The following FLRT1 variants were observed in gnomAD, a reference collection of about 807,000 sequenced individuals.
The protein encoded by FLRT1 is leucine-rich repeat transmembrane protein FLRT1.
FLRT1 carries 14 observed loss-of-function variants against 30.9 expected under a neutral mutation model. That is an observed-to-expected ratio of 0.45 (90% confidence interval 0.30 to 0.71). FLRT1 has a LOEUF of 0.71. FLRT1 is among the 30% of genes least tolerant of loss of function. FLRT1 has a pLI of 0.08. For synonymous variants in FLRT1, 368 were observed against 430.4 expected (o/e 0.85, Z 1.80); for missense variants, 737 against 949.2 (o/e 0.78, Z 2.94).
chr11:64,110,220 T>G (rs1944836418), intron 2 of FLRT1, among the ~76,000 whole-genome samples: 1 of 151,958 alleles, frequency 6.6e-6, no homozygotes, highest in Admixed American at 6.6e-5. Flanking sequence ...GATGCTGAAG[T>G]GGGCAGATTG....
chr11:64,049,227 GTGTT>G (rs1206752164), intron 1 of FLRT1, among the ~76,000 whole-genome samples: 1 of 152,300 alleles, frequency 6.6e-6, no homozygotes, highest in South Asian at 2.1e-4. Context: ...AGAGACCACT[GTGTT>G]TGTTAACACC....
chr11:64,076,451 C>T lies in FLRT1; in HGVS notation c.-1037-26743C>T, dbSNP rs2845884. 1.6e-4 allele frequency among the ~76,000 whole-genome samples: 24 copies of T among 151,914 alleles called. No homozygotes were observed. In the East Asian group the frequency reaches 2.5e-3, roughly 16 times the overall value. On this transcript the variant is annotated intron_variant, in intron 1 of 2. Coordinates refer to ENST00000682287, the MANE Select transcript of FLRT1 (RefSeq NM_013280.5). ...CAACTGTACTGGATGGATGGATGGACGGATGGATGGACGGACGGACGAATG... is the reference window on the plus strand; with the variant it reads ...CAACTGTACTGGATGGATGGATGGATGGATGGATGGACGGACGGACGAATG...
chr11:64,111,241 C>G (rs1944857375), intron 2 of FLRT1, among the ~76,000 whole-genome samples: 3 of 152,228 alleles, frequency 2.0e-5, no homozygotes, highest in Admixed American at 2.0e-4. Flanking sequence ...CTGCTCAGAA[C>G]AGCTGAGTAC....
chr11:64,065,265 G>A (rs1252390391), intron 1 of FLRT1, among the ~76,000 whole-genome samples: 1 of 152,198 alleles, frequency 6.6e-6, no homozygotes, highest in Non-Finnish European at 1.5e-5. Context: ...GTGAGGCGGT[G>A]GGTGGGCAGG....
rs959327354 is a variant in FLRT1 at position 64,067,800 on chromosome 11, G to A, written c.-1038+31641G>A. Among the ~76,000 whole-genome samples the A allele has an allele frequency of 2.0e-5, 3 of 152,138 alleles. No individual in the cohort carries two copies. Among genetic ancestry groups the A allele is most frequent in the Admixed American group, 6.5e-5 (1 of 15,274 alleles). On this transcript the variant is annotated intron_variant, in intron 1 of 2. Coordinates refer to ENST00000682287, the MANE Select transcript of FLRT1 (RefSeq NM_013280.5). This position sits in a 1 kb window ranked among gnomAD's most constrained non-coding sequence, Gnocchi z 4.6. ...TGTTTGTTTTCCCTGACTGAGGGGC[G>A]GCTGTGCCACCCCCACACTCCTGAA...
intron 1 of FLRT1, among the ~76,000 whole-genome samples, chr11:64,057,245 G>A (rs933837702): frequency 1.3e-5 from 2 of 152,248 alleles, no homozygotes; most frequent in African/African-American, 2.4e-5. Flanking sequence ...GAACGTAGGG[G>A]ACGGGACAGC....
rs1349199822 is a variant in FLRT1, at chr11:64,096,352, C to T, written c.-1037-6842C>T. 2.0e-5 allele frequency among the ~76,000 whole-genome samples: 3 copies of T among 152,074 alleles called. No homozygotes were observed. Among genetic ancestry groups the T allele is most frequent in the Non-Finnish European group, 4.4e-5 (3 of 68,000 alleles). On this transcript the variant is annotated intron_variant, in intron 1 of 2. Transcript: ENST00000682287. This position sits in a 1 kb window ranked among gnomAD's most constrained non-coding sequence, Gnocchi z 4.6. ...GGCTGGACACGGTCCCTAATGGGCACGGGCGACGCATTACAGTGAGGTCTG... is the reference window on the plus strand; with the variant it reads ...GGCTGGACACGGTCCCTAATGGGCATGGGCGACGCATTACAGTGAGGTCTG...
chr11:64,118,131 C>T lies in FLRT1; in HGVS notation c.1864C>T (p.Leu622=). ...AATCCGCGGCCCTGGGCTGCAGATGCTGCCCATCAACCCGTACCGCGCCAA... is the reference window on the plus strand; with the variant it reads ...AATCCGCGGCCCTGGGCTGCAGATGTTGCCCATCAACCCGTACCGCGCCAA... ...LEIRGPGLQM[L]PINPYRAKEE... Residue 622 remains leucine, a synonymous_variant, in exon 3 of 3, where the codon CTG becomes TTG. Coordinates refer to ENST00000682287, the MANE Select transcript of FLRT1 (RefSeq NM_013280.5). 1 of 1,613,446 alleles carries T rather than the reference C, an allele frequency of 6.2e-7. No individual in the cohort carries two copies. The highest frequency in any genetic ancestry group is 8.5e-7 in the Non-Finnish European group (1 of 1,179,646).
At chr11:64,047,729 T>C (rs1446785495) in intron 1 of FLRT1, among the ~76,000 whole-genome samples, 2 of 151,750 alleles carry the variant, frequency 1.3e-5, no homozygotes, top group Non-Finnish European at 2.9e-5. Context: ...AAACCCCTTC[T>C]CTACCAAAAA....
chr11:64,091,701 C>T (rs1049257650), intron 1 of FLRT1, among the ~76,000 whole-genome samples: 3 of 152,164 alleles, frequency 2.0e-5, no homozygotes, highest in Non-Finnish European at 2.9e-5. Flanking sequence ...TGAAGTTGCA[C>T]GAGGGGCCCC....
At chr11:64,083,456 TAAAA>T (rs1262155713) in intron 1 of FLRT1, among the ~76,000 whole-genome samples, 1 of 152,082 alleles carries the variant, frequency 6.6e-6, no homozygotes, top group African/African-American at 2.4e-5. Context: ...CCCCCAAAAA[TAAAA>T]GAAGCAAATG....
rs138676741 is a variant in FLRT1 at position 64,117,451 on chromosome 11, C to T, written c.1184C>T (p.Thr395Met). The stretch of plus-strand genomic sequence containing the variant: ...GTGGCCAATGCGGCTGCCAAGACCA[C>T]GGCCAGCAACCACGCCTCTGCCACC... ...GGVANAAAKT[T>M]ASNHASATTP... is the part of the protein sequence containing the mutation. The change falls in exon 3 of 3, where the codon ACG (threonine) becomes ATG (methionine). Residue 395 changes from threonine to methionine, a missense_variant. Thr to Met is a moderately conservative substitution (Grantham distance 81). Coordinates refer to ENST00000682287, the MANE Select transcript of FLRT1 (RefSeq NM_013280.5). The T allele has an allele frequency of 2.2e-3, 3,550 of 1,613,004 alleles. 4 individuals carry two copies. The highest frequency in any genetic ancestry group is 2.6e-3 in the Non-Finnish European group (3,076 of 1,179,226).
chr11:64,111,543 G>C (rs1207569936), intron 2 of FLRT1, among the ~76,000 whole-genome samples: 4 of 152,234 alleles, frequency 2.6e-5, no homozygotes, highest in Non-Finnish European at 5.9e-5. Context: ...AATCTGGGCT[G>C]GCTGTGACCT....
At chr11:64,076,677 A>G (rs1944207948) in intron 1 of FLRT1, among the ~76,000 whole-genome samples, 2 of 152,178 alleles carry the variant, frequency 1.3e-5, no homozygotes, top group African/African-American at 4.8e-5. Flanking sequence ...CTAAGAACAC[A>G]CAGCTCAGAA....
Position 64,103,585 on chromosome 11 carries a change from TA to T in FLRT1, c.-633del, listed in dbSNP as rs35726613. ...ATTCTGCCAAGTGACTTAAAGGAAT[TA>T]AAAAAAAAAAAAGCCTTGGTAAACA... On this transcript the variant is annotated 5_prime_UTR_variant, in exon 2 of 3. Transcript: ENST00000682287. The T allele has an allele frequency of 1.2e-3, 166 of 140,422 alleles. No homozygotes were observed. Among genetic ancestry groups the T allele is most frequent in the Non-Finnish European group, 1.3e-3 (84 of 63,800 alleles). 8.7% of individuals were successfully genotyped at this position (140,422 alleles called of 1,614,324 possible).
Position 64,090,082 on chromosome 11 carries a change from G to C in FLRT1, c.-1037-13112G>C, listed in dbSNP as rs1460296365. Among the ~76,000 whole-genome samples the C allele has an allele frequency of 1.3e-5, 2 of 152,148 alleles. No individual in the cohort carries two copies. The highest frequency in any genetic ancestry group is 2.9e-5 in the Non-Finnish European group (2 of 68,020). Reference sequence around the variant, plus strand: ...CAACAGCTGTGTCATCCTGAGCCCAGAACCTTCTAGAATGGGGCTGGGGGA... The same window carrying C: ...CAACAGCTGTGTCATCCTGAGCCCACAACCTTCTAGAATGGGGCTGGGGGA... On this transcript the variant is annotated intron_variant, in intron 1 of 2. Coordinates refer to ENST00000682287, the MANE Select transcript of FLRT1 (RefSeq NM_013280.5). This position sits in a 1 kb window ranked among gnomAD's most constrained non-coding sequence, Gnocchi z 4.7.
intron 1 of FLRT1, among the ~76,000 whole-genome samples, chr11:64,065,604 A>G (rs1168747857): frequency 1.4e-5 from 2 of 144,534 alleles, no homozygotes; most frequent in Admixed American, 1.4e-4. Context: ...CCTGGCTAAC[A>G]CGGTGAAACC....
In FLRT1 at chr11:64,067,623, G is replaced by T. The variant is rs192346344; in HGVS notation, c.-1038+31464G>T. On this transcript the variant is annotated intron_variant, in intron 1 of 2. Transcript: ENST00000682287. This position sits in a 1 kb window ranked among gnomAD's most constrained non-coding sequence, Gnocchi z 4.6. The stretch of plus-strand genomic sequence containing the variant: ...AGGTGGGTGACGCACCAACATGCCC[G>T]TGGCCTCCGGTGCACACACAGGGTC... Among the ~76,000 whole-genome samples the T allele has an allele frequency of 6.6e-6, 1 of 152,142 alleles. No homozygotes were observed. The highest frequency in any genetic ancestry group is 2.1e-4 in the South Asian group (1 of 4,820).
intron 1 of FLRT1, among the ~76,000 whole-genome samples, chr11:64,055,252 C>T (rs1053629959): frequency 1.4e-4 from 21 of 152,346 alleles, no homozygotes; most frequent in Admixed American, 2.0e-4. Context: ...AGCTTTGCCT[C>T]GAATTTGCCT....
Sources: allele counts gnomAD v4.1 joint callset (sites outside exome capture counted in the v4.1 genomes callset), GRCh38; gene constraint gnomAD v4.1.1; non-coding constraint Gnocchi (gnomAD v3.1); transcripts MANE v1.5; gene names NCBI Gene and HGNC (gene_info 2026-07-23, HGNC 2026-07-21).